CCDC144A: variants seen among roughly 807,000 people sequenced by gnomAD.
CCDC144A encodes coiled-coil domain containing 144A, also known as coiled-coil domain-containing protein 144A.
A neutral mutation model predicts 143.8 loss-of-function variants in CCDC144A; 41 were observed. The ratio of observed to expected loss-of-function variants is 0.29; its 90% CI spans 0.22 to 0.37. The LOEUF (loss-of-function observed/expected upper bound fraction) is 0.37, where lower values mean the gene tolerates loss of function less well. CCDC144A is among the 10% of genes least tolerant of loss of function. The pLI is 1.00. For missense variants in CCDC144A, 637 were observed against 1,488.8 expected (o/e 0.43, Z 9.41); for synonymous variants, 242 against 517.9 (o/e 0.47, Z 7.23).
Position 16,764,306 on chromosome 17 carries a change from G to GA in CCDC144A, c.4098+132dup, listed in dbSNP as rs759180550. ...TAATTACCTGTGTTAATAAAGAGAG[G>GA]AGACAGAAATTTTACCGTTATTTTT... is the stretch of plus-strand genomic sequence containing the variant. On this transcript the variant is annotated intron_variant, in intron 15 of 16. Transcript: ENST00000399273. The GA allele has an allele frequency of 1.8e-5, 26 of 1,475,870 alleles. No homozygotes were observed. The East Asian group carries it at 4.9e-4, about 28-fold the overall frequency. The allele number at this position is 1,475,870 out of a possible 1,614,324, so 91.4% of individuals were successfully genotyped here.
the CCDC144A span, among the ~76,000 whole-genome samples, chr17:16,668,605 T>C: frequency 6.6e-6 from 1 of 152,222 alleles, no homozygotes; most frequent in African/African-American, 2.4e-5. Context: ...TTTTATTTAG[T>C]TGTAACAGAC....
In CCDC144A at chr17:16,729,991, T is replaced by TATATATAC. The variant is rs1491438660; in HGVS notation, c.2106-1808_2106-1807insTATATACA. On this transcript the variant is annotated intron_variant, in intron 9 of 16. Transcript: ENST00000399273. ...ATATATATATATATATATATATATA[T>TATATATAC]ACACACATACATTTTTTGTTTTTTT... Among the ~76,000 whole-genome samples, 181 of 114,884 alleles carry TATATATAC rather than the reference T, an allele frequency of 1.6e-3. 2 individuals carry two copies. Among genetic ancestry groups the TATATATAC allele is most frequent in the African/African-American group, 5.7e-3 (171 of 30,104 alleles). 75.4% of individuals were successfully genotyped at this position (114,884 alleles called of 152,430 possible).
chr17:16,741,638 G>T (rs978045932), intron 12 of CCDC144A, among the ~76,000 whole-genome samples: 7 of 151,912 alleles, frequency 4.6e-5, no homozygotes, highest in African/African-American at 1.5e-4. Context: ...TTTAGACATG[G>T]TGTCTTATTA....
At position 16,732,627 on chromosome 17, in the gene CCDC144A, A is replaced by G; in HGVS notation, c.2379A>G (p.Gln793=). The G allele has an allele frequency of 6.2e-7, 1 of 1,611,352 alleles. No individual in the cohort carries two copies. Among genetic ancestry groups the G allele is most frequent in the Non-Finnish European group, 8.5e-7 (1 of 1,178,976 alleles). Residue 793 remains glutamine, a synonymous_variant, in exon 11 of 17, where the codon CAA becomes CAG. Coordinates refer to ENST00000399273, the MANE Select transcript of CCDC144A (RefSeq NM_001382000.1). ...AAGATCAGATTCTGACGAGTAAACA[A>G]AAGGAACTAGAAATGGCTCGAAAGA... ...ILQDQILTSK[Q]KELEMARKKM...
chr17:16,667,981 C>T, the CCDC144A span, among the ~76,000 whole-genome samples: 1 of 149,406 alleles, frequency 6.7e-6, no homozygotes, highest in African/African-American at 2.5e-5. Context: ...TTCGCAAAAT[C>T]ACTTAGTGAT....
At chr17:16,772,254 A>G (rs1418045670) in intron 16 of CCDC144A, among the ~76,000 whole-genome samples, 2 of 152,084 alleles carry the variant, frequency 1.3e-5, no homozygotes, top group African/African-American at 2.4e-5. Flanking sequence ...GTCTGGCTCT[A>G]CTCTTCACTT....
chr17:16,776,612 G>A lies in CCDC144A; in HGVS notation c.*2979G>A, dbSNP rs1344358644. ...AAGAAGTTTTTGAGCTGAGATGATG[G>A]AGTTTTCTAGATATAGGATCATATC... On this transcript the variant is annotated 3_prime_UTR_variant, in exon 17 of 17. Transcript: ENST00000399273. The A allele has an allele frequency of 6.6e-6, 1 of 152,158 alleles. No homozygotes were observed. Among genetic ancestry groups the A allele is most frequent in the Non-Finnish European group, 1.5e-5 (1 of 68,048 alleles). 9.4% of individuals were successfully genotyped at this position (152,158 alleles called of 1,614,324 possible).
At position 16,709,815 on chromosome 17, in the gene CCDC144A, G is replaced by A. The variant is rs1465334327; in HGVS notation, c.1578+180G>A. On this transcript the variant is annotated intron_variant, in intron 5 of 16. Coordinates refer to ENST00000399273, the MANE Select transcript of CCDC144A (RefSeq NM_001382000.1). ...TTAGGAAAACTTTCTCATAATCTTC[G>A]TTTCTTAATTGACCTAAGTCTCTCT... is the stretch of plus-strand genomic sequence containing the variant. Among the ~76,000 whole-genome samples the A allele has an allele frequency of 3.9e-5, 6 of 152,246 alleles. 1 individual carries two copies. In the South Asian group the frequency reaches 8.3e-4, roughly 21 times the overall value.
In CCDC144A at chr17:16,738,573, T is replaced by A. The variant is rs377646092; in HGVS notation, c.3372+2930T>A. Among the ~76,000 whole-genome samples the A allele has an allele frequency of 5.9e-5, 9 of 152,124 alleles. No individual in the cohort carries two copies. The East Asian group carries it at 9.7e-4, about 16-fold the overall frequency. ...GTCTTTTGTGACTGGCTTCTTCTAC[T>A]TAGCATAACATTTTTAAGGTTCATT... On this transcript the variant is annotated intron_variant, in intron 12 of 16. Coordinates refer to ENST00000399273, the MANE Select transcript of CCDC144A (RefSeq NM_001382000.1).
At chr17:16,710,414 G>C (rs1226446486) in intron 5 of CCDC144A, 1 of 152,056 alleles carries the variant, frequency 6.6e-6, no homozygotes, top group Non-Finnish European at 1.5e-5. Flanking sequence ...AGCCCTGAGA[G>C]CTGCAGCAAA....
chr17:16,721,057 A>G (rs1270946579), intron 8 of CCDC144A, among the ~76,000 whole-genome samples: 2 of 152,206 alleles, frequency 1.3e-5, no homozygotes, highest in Non-Finnish European at 2.9e-5. Context: ...TCCTTTGCTT[A>G]TAACTCAGCT....
intron 8 of CCDC144A, among the ~76,000 whole-genome samples, chr17:16,724,049 T>G (rs1429529885): frequency 6.6e-6 from 1 of 151,600 alleles, no homozygotes; most frequent in Non-Finnish European, 1.5e-5. Flanking sequence ...TTCATTTTCA[T>G]TCAGTTCAAA....
chr17:16,752,892 CCTT>C (rs1914863044), intron 12 of CCDC144A, among the ~76,000 whole-genome samples: 4 of 83,384 alleles, frequency 4.8e-5, no homozygotes, highest in Admixed American at 1.3e-4. Flanking sequence ...AGGTGCGAAA[CCTT>C]CTGGGCTGTA....
chr17:16,777,183 C>G lies in CCDC144A; in HGVS notation c.*3550C>G, dbSNP rs866647784. ...TATCACAGTCCTAAATATATATGCA[C>G]CTAATACTGGAGATCCCAAATTTAT... On this transcript the variant is annotated 3_prime_UTR_variant, in exon 17 of 17. Transcript: ENST00000399273. 0.01 allele frequency: 1,384 copies of G among 134,530 alleles called. No homozygotes were observed. The highest frequency in any genetic ancestry group is 0.039 in the African/African-American group (1,303 of 33,292). The allele number at this position is 134,530 out of a possible 1,614,324, so 8.3% of individuals were successfully genotyped here. A position where few individuals can be genotyped will look rare whatever the true frequency, so the allele number is the denominator to read the frequency against.
At chr17:16,691,353 T>A (rs1275418278) in intron 1 of CCDC144A, among the ~76,000 whole-genome samples, 2 of 152,208 alleles carry the variant, frequency 1.3e-5, no homozygotes, top group African/African-American at 4.8e-5. Context: ...TGTCCCATAT[T>A]ATCCTTTCCC....
At chr17:16,699,149 G>A (rs550103953) in intron 2 of CCDC144A, among the ~76,000 whole-genome samples, 1,740 of 151,504 alleles carry the variant, frequency 0.011, 28 homozygotes, top group African/African-American at 0.039. Context: ...CTTCTGGGTT[G>A]TCAAATACAA....
intron 12 of CCDC144A, among the ~76,000 whole-genome samples, chr17:16,753,026 GTGC>G (rs993350078): frequency 8.5e-6 from 1 of 117,244 alleles, no homozygotes; most frequent in Non-Finnish European, 1.8e-5. Context: ...TGGGAGTGTG[GTGC>G]TGCACAGTTC....
At chr17:16,729,867 A>AAAT (rs1555533276) in intron 9 of CCDC144A, among the ~76,000 whole-genome samples, 3 of 141,224 alleles carry the variant, frequency 2.1e-5, no homozygotes, top group Non-Finnish European at 4.6e-5. Context: ...AAAAAAAAAA[A>AAAT]ATATATATAT....
At chr17:16,711,590 G>A in intron 5 of CCDC144A, 89 bp from the exon 6 acceptor site, 1 of 1,595,584 alleles carries the variant, frequency 6.3e-7, no homozygotes, top group South Asian at 1.1e-5. Flanking sequence ...ACTGAGTCAA[G>A]TGATGATGAA....
Sources: gnomAD v4.1 joint callset for allele counts (sites outside exome capture counted in the v4.1 genomes callset) on GRCh38, gnomAD v4.1.1 for gene constraint, MANE v1.5 for transcripts, NCBI Gene and HGNC (gene_info 2026-07-23, HGNC 2026-07-21) for gene names.